Variants in IQCK observed in about 807,000 individuals in gnomAD.
IQCK encodes the protein IQ domain-containing protein K.
IQCK carries 29 observed loss-of-function variants against 28.1 expected under a neutral mutation model. The observed-to-expected ratio is 1.03, with a 90% CI of 0.77 to 1.41. The LOEUF (loss-of-function observed/expected upper bound fraction) is 1.41. IQCK is among the 40% of genes most tolerant of loss of function. The pLI, the probability that IQCK is intolerant of heterozygous loss-of-function variation, is 0.00. For synonymous variants in IQCK, 113 were observed against 115.1 expected (o/e 0.98, Z 0.12); for missense variants, 359 against 314.7 (o/e 1.14, Z -1.07).
chr16:19,811,160 C>G (rs543946262), intron 7 of IQCK, among the ~76,000 whole-genome samples: 2 of 151,898 alleles, frequency 1.3e-5, no homozygotes, highest in Non-Finnish European at 1.5e-5. Flanking sequence ...GGTGCATGCC[C>G]GTGGTCCCAG....
intron 7 of IQCK, among the ~76,000 whole-genome samples, chr16:19,801,825 G>GA (rs1172142938): frequency 4.2e-5 from 6 of 141,970 alleles, no homozygotes; most frequent in African/African-American, 1.8e-4. Context: ...TTTTTATTCT[G>GA]AAAAACCACT....
At chr16:19,807,401 A>G (rs2055847736) in intron 7 of IQCK, among the ~76,000 whole-genome samples, 1 of 152,220 alleles carries the variant, frequency 6.6e-6, no homozygotes, top group Admixed American at 6.5e-5. Context: ...CAATACAATA[A>G]CTCAGGCTGC....
intron 9 of IQCK, among the ~76,000 whole-genome samples, chr16:19,853,427 A>T (rs780979734): frequency 6.6e-6 from 1 of 152,196 alleles, no homozygotes. Flanking sequence ...AGCAAGGTCA[A>T]CACGTAGGGA....
chr16:19,844,483 G>A (rs954130230), intron 9 of IQCK, among the ~76,000 whole-genome samples: 3 of 152,138 alleles, frequency 2.0e-5, no homozygotes, highest in African/African-American at 4.8e-5. Context: ...GAGATGGGTC[G>A]GATGACCCGG....
chr16:19,834,312 AGGAAACC>A (rs2056267910), intron 9 of IQCK, among the ~76,000 whole-genome samples: 1 of 152,158 alleles, frequency 6.6e-6, no homozygotes, highest in African/African-American at 2.4e-5. Context: ...CGTACAGATG[AGGAAACC>A]GGGGCTGGGA....
chr16:19,734,882 C>T (rs997947805), intron 3 of IQCK, among the ~76,000 whole-genome samples: 5 of 151,972 alleles, frequency 3.3e-5, no homozygotes, highest in Non-Finnish European at 7.4e-5. Context: ...AGTCGTAGTT[C>T]CTTGGGCCCT....
intron 9 of IQCK, among the ~76,000 whole-genome samples, chr16:19,839,129 T>C (rs774987276): frequency 7.4e-4 from 111 of 150,510 alleles, no homozygotes; most frequent in Non-Finnish European, 1.3e-3. Flanking sequence ...AGCTTTGAAG[T>C]GGCAGAACTG....
In IQCK at chr16:19,736,937, C is replaced by T. The variant is rs114382548; in HGVS notation, c.474+1487C>T. Among the ~76,000 whole-genome samples the T allele has an allele frequency of 2.1e-3, 296 of 143,436 alleles. 3 individuals carry two copies. The highest frequency in any genetic ancestry group is 7.7e-3 in the African/African-American group (288 of 37,602). 94.1% of individuals were successfully genotyped at this position (143,436 alleles called of 152,430 possible). A position where few individuals can be genotyped will look rare whatever the true frequency, so the allele number is the denominator to read the frequency against. On this transcript the variant is annotated intron_variant, in intron 4 of 7. Coordinates refer to ENST00000564186, the Ensembl canonical transcript of IQCK. ...CCAAGGCAGAAGGATTGTCTGAGCC[C>T]AGGAGTTCGAGACCAGCCTGGGCAA...
chr16:19,718,849 C>T (rs921269129), intron 1 of IQCK, among the ~76,000 whole-genome samples: 1 of 152,312 alleles, frequency 6.6e-6, no homozygotes, highest in Admixed American at 6.5e-5. Context: ...AACGGAGGTT[C>T]CCAGGCCCCG....
intron 2 of IQCK, among the ~76,000 whole-genome samples, chr16:19,731,982 G>C (rs1398962634): frequency 1.3e-5 from 2 of 152,234 alleles, no homozygotes; most frequent in East Asian, 3.8e-4. Flanking sequence ...CCACTGGTGA[G>C]AGCCCTGGAG....
At chr16:19,842,001 A>C (rs944455994) in intron 9 of IQCK, among the ~76,000 whole-genome samples, 3 of 152,124 alleles carry the variant, frequency 2.0e-5, no homozygotes, top group Non-Finnish European at 2.9e-5. Context: ...GCCCACCACC[A>C]CGCCTAGCAC....
exon 4 of IQCK, chr16:19,735,410 C>T: frequency 6.2e-7 from 1 of 1,614,062 alleles, no homozygotes; most frequent in African/African-American, 1.3e-5. Flanking sequence ...CCCGGAATGG[C>T]TAGCCTGCTT....
At chr16:19,858,302 G>A in exon 10 of IQCK, 2 of 439,592 alleles carry the variant, frequency 4.5e-6, no homozygotes, top group Non-Finnish European at 8.0e-6. Flanking sequence ...CCCTAAGTGC[G>A]ATAACATATC....
At chr16:19,754,273 A>G (rs2055023738) in intron 4 of IQCK, among the ~76,000 whole-genome samples, 2 of 152,324 alleles carry the variant, frequency 1.3e-5, no homozygotes, top group African/African-American at 4.8e-5. Flanking sequence ...CAGTAAGTAA[A>G]TGTTTGTTGA....
intron 4 of IQCK, among the ~76,000 whole-genome samples, chr16:19,739,509 G>A (rs889992384): frequency 6.6e-6 from 1 of 152,206 alleles, no homozygotes; most frequent in Admixed American, 6.5e-5. Flanking sequence ...ATAATCATCA[G>A]AAATTATATC....
chr16:19,850,199 CT>C (rs1597613006), intron 9 of IQCK, among the ~76,000 whole-genome samples: 1 of 152,254 alleles, frequency 6.6e-6, no homozygotes, highest in Non-Finnish European at 1.5e-5. Flanking sequence ...ATTGTTGCTT[CT>C]TTAATCACAG....
chr16:19,751,616 C>T (rs2054987731), intron 4 of IQCK, among the ~76,000 whole-genome samples: 1 of 152,102 alleles, frequency 6.6e-6, no homozygotes, highest in Non-Finnish European at 1.5e-5. Context: ...CTGTTTTAGG[C>T]AGGAGTAGCG....
At chr16:19,848,394 A>G (rs1376504891) in intron 9 of IQCK, among the ~76,000 whole-genome samples, 1 of 152,242 alleles carries the variant, frequency 6.6e-6, no homozygotes, top group Non-Finnish European at 1.5e-5. Context: ...TGGGGAATAC[A>G]TTCCGGAACA....
exon 1 of IQCK, chr16:19,718,484 A>G: frequency 6.2e-7 from 1 of 1,602,862 alleles, no homozygotes; most frequent in Non-Finnish European, 8.5e-7. Context: ...GCAGATCTGC[A>G]AGGGTAGGAA....
Sources: gnomAD v4.1 joint callset for allele counts (sites outside exome capture counted in the v4.1 genomes callset) on GRCh38, gnomAD v4.1.1 for gene constraint, MANE v1.5 for transcripts, NCBI Gene and HGNC (gene_info 2026-07-23, HGNC 2026-07-21) for gene names.